MMS22L: variants seen among roughly 807,000 people sequenced by gnomAD.
The protein encoded by MMS22L is MMS22 like, DNA repair protein, also known as protein MMS22-like.
In MMS22L, 74 loss-of-function variants were observed where a neutral mutation model predicts 159.1. The observed-to-expected ratio is 0.47, with a 90% CI of 0.39 to 0.56. The LOEUF is 0.56. MMS22L is among the 20% of genes least tolerant of loss of function. The probability of loss-of-function intolerance (pLI) is 0.00; values close to 1 mark genes in which losing one functional copy is unlikely to be tolerated. For synonymous variants in MMS22L, 517 were observed against 506.9 expected (o/e 1.02, Z -0.27); for missense variants, 1,351 against 1,422.1 (o/e 0.95, Z 0.80).
chr6:97,183,179 C>G (rs1043986050), intron 15 of MMS22L, among the ~76,000 whole-genome samples: 1 of 152,088 alleles, frequency 6.6e-6, no homozygotes, highest in Admixed American at 6.6e-5. Flanking sequence ...CCAACTCCAA[C>G]AATTCTTTGA....
intron 20 of MMS22L, among the ~76,000 whole-genome samples, chr6:97,166,239 T>A (rs989704289): frequency 3.3e-5 from 5 of 152,162 alleles, no homozygotes. Context: ...GAGAAAATAA[T>A]GTTTTCTGCT....
At chr6:97,182,553 T>C (rs1321109020) in intron 15 of MMS22L, among the ~76,000 whole-genome samples, 1 of 152,220 alleles carries the variant, frequency 6.6e-6, no homozygotes. Context: ...GTCTAGGAAC[T>C]AGAATTCCTT....
intron 15 of MMS22L, among the ~76,000 whole-genome samples, 162 bp downstream of exon 15, chr6:97,186,335 T>A (rs1217935771): frequency 2.0e-5 from 3 of 152,272 alleles, no homozygotes; most frequent in East Asian, 3.9e-4. Context: ...TTTTTAGCAA[T>A]AAATAAGCCA....
At chr6:97,223,825 A>C in intron 14 of MMS22L, among the ~76,000 whole-genome samples, 1 of 152,156 alleles carries the variant, frequency 6.6e-6, no homozygotes, top group Admixed American at 6.5e-5. Context: ...AGTTCCTTTT[A>C]TTACATACAG....
At chr6:97,206,279 C>T (rs1807772890) in intron 14 of MMS22L, among the ~76,000 whole-genome samples, 1 of 151,348 alleles carries the variant, frequency 6.6e-6, no homozygotes, top group African/African-American at 2.4e-5. Flanking sequence ...ACATTCCTTC[C>T]TACCTCTTTC....
intron 14 of MMS22L, among the ~76,000 whole-genome samples, chr6:97,203,249 T>C (rs1807373733): frequency 6.6e-6 from 1 of 152,210 alleles, no homozygotes; most frequent in Non-Finnish European, 1.5e-5. Flanking sequence ...AGATGCTTTT[T>C]GTAAGATTTT....
At chr6:97,263,525 TTAAAA>T in intron 8 of MMS22L, 77 bp from the exon 9 acceptor site, 5 of 632,278 alleles carry the variant, frequency 7.9e-6, no homozygotes, top group African/African-American at 1.9e-5. Flanking sequence ...TCAAATACTT[TTAAAA>T]GAATGATTTA....
chr6:97,218,642 T>TA (rs901524032), intron 14 of MMS22L, among the ~76,000 whole-genome samples: 1 of 152,006 alleles, frequency 6.6e-6, no homozygotes, highest in Non-Finnish European at 1.5e-5. Flanking sequence ...CAACACAAGG[T>TA]AAAAAACAAT....
intron 3 of MMS22L, among the ~76,000 whole-genome samples, chr6:97,279,509 G>C (rs1026997936): frequency 6.6e-6 from 1 of 151,514 alleles, no homozygotes; most frequent in African/African-American, 2.4e-5. Context: ...TTAAGATGGG[G>C]TGCAGTGGCT....
At chr6:97,280,603 C>T (rs544292658) in intron 3 of MMS22L, among the ~76,000 whole-genome samples, 3 of 152,094 alleles carry the variant, frequency 2.0e-5, no homozygotes, top group Non-Finnish European at 4.4e-5. Flanking sequence ...CATGAGCCAC[C>T]GCGCCTGGCC....
intron 21 of MMS22L, among the ~76,000 whole-genome samples, chr6:97,163,626 A>G (rs1802669016): frequency 1.3e-5 from 2 of 152,054 alleles, no homozygotes; most frequent in Non-Finnish European, 2.9e-5. Context: ...TATCTCAAAC[A>G]CTGTGTTAGG....
chr6:97,201,945 T>G (rs2500505), intron 14 of MMS22L, among the ~76,000 whole-genome samples: 53,673 of 152,008 alleles, frequency 0.35, 11,033 homozygotes, highest in East Asian at 0.78. Context: ...AGTCTTAGCT[T>G]ATTCCCTCGA....
intron 11 of MMS22L, among the ~76,000 whole-genome samples, chr6:97,236,241 A>C (rs565984557): frequency 6.6e-6 from 1 of 151,498 alleles, no homozygotes; most frequent in South Asian, 2.1e-4. Flanking sequence ...AAGCAGGAAA[A>C]TCGCTTGAAC....
chr6:97,225,470 C>T (rs1485184515), intron 14 of MMS22L, among the ~76,000 whole-genome samples: 2 of 152,000 alleles, frequency 1.3e-5, no homozygotes. Context: ...CCTACCTCAG[C>T]CTCCTGAGTA....
At chr6:97,151,748 C>A in intron 23 of MMS22L, 23 bp downstream of exon 23, 2 of 1,592,876 alleles carry the variant, frequency 1.3e-6, no homozygotes, top group South Asian at 2.2e-5. Context: ...GTTTCCTTGC[C>A]AGGTGGCATA....
chr6:97,158,236 G>T (rs568528555), intron 22 of MMS22L, among the ~76,000 whole-genome samples: 1 of 151,906 alleles, frequency 6.6e-6, no homozygotes, highest in East Asian at 1.9e-4. Flanking sequence ...CTAGCTAGTG[G>T]TCTATTTCGT....
intron 18 of MMS22L, among the ~76,000 whole-genome samples, chr6:97,176,881 C>G (rs6904552): frequency 0.097 from 14,741 of 152,104 alleles, 1,420 homozygotes; most frequent in African/African-American, 0.25. Context: ...GCTGTGAATA[C>G]AACTATATGC....
intron 18 of MMS22L, among the ~76,000 whole-genome samples, chr6:97,175,349 AATAT>A (rs1804009707): frequency 6.6e-6 from 1 of 152,176 alleles, no homozygotes; most frequent in Non-Finnish European, 1.5e-5. Flanking sequence ...CAGCTTCAAA[AATAT>A]ATGTGGCTGG....
intron 10 of MMS22L, among the ~76,000 whole-genome samples, chr6:97,251,400 T>C (rs1458133035): frequency 1.3e-5 from 2 of 152,232 alleles, no homozygotes; most frequent in East Asian, 3.8e-4. Context: ...ATACTAAATA[T>C]GTTGCAAATG....
Sources: allele counts gnomAD v4.1 joint callset (sites outside exome capture counted in the v4.1 genomes callset), GRCh38; gene constraint gnomAD v4.1.1; transcripts MANE v1.5; gene names NCBI Gene and HGNC (gene_info 2026-07-23, HGNC 2026-07-21).